The following SNAPC4 variants were observed in gnomAD, a reference collection of about 807,000 sequenced individuals.
The protein encoded by SNAPC4 is small nuclear RNA activating complex polypeptide 4.
SNAPC4 carries 127 observed loss-of-function variants against 151.3 expected under a neutral mutation model. The ratio of observed to expected loss-of-function variants is 0.84; its 90% confidence interval spans 0.73 to 0.97. The LOEUF (loss-of-function observed/expected upper bound fraction) is 0.97, where lower values mean the gene tolerates loss of function less well. Among genes scored for constraint, SNAPC4 ranks in the 50% least tolerant of loss-of-function variants. The pLI is 0.00. For missense variants in SNAPC4, 2,186 were observed against 1,935.0 expected (o/e 1.13, Z -2.43); for synonymous variants, 1,002 against 824.4 (o/e 1.22, Z -3.69).
chr9:136,391,419 G>A (rs1834069824), intron 10 of SNAPC4, among the ~76,000 whole-genome samples: 1 of 152,092 alleles, frequency 6.6e-6, no homozygotes, highest in African/African-American at 2.4e-5. Flanking sequence ...ATACACCTAG[G>A]TCCAAAGAGG....
chr9:136,392,979 G>C (rs893020950), intron 7 of SNAPC4, among the ~76,000 whole-genome samples: 9 of 152,222 alleles, frequency 5.9e-5, no homozygotes, highest in African/African-American at 1.9e-4. Context: ...GGGCTGCAGT[G>C]TCTGCTGACA....
intron 13 of SNAPC4, among the ~76,000 whole-genome samples, chr9:136,385,709 CCAT>C (rs766150351): frequency 7.2e-5 from 11 of 152,082 alleles, no homozygotes; most frequent in South Asian, 2.1e-4. Context: ...GTGCCCACCA[CCAT>C]GTGTGGCTAG....
chr9:136,391,488 A>G (rs576753759), intron 10 of SNAPC4, among the ~76,000 whole-genome samples: 1 of 152,332 alleles, frequency 6.6e-6, no homozygotes, highest in Non-Finnish European at 1.5e-5. Flanking sequence ...GTTCACGCCA[A>G]GCTACTCTCA....
rs147564153 is a variant in SNAPC4 at position 136,388,469 on chromosome 9, G to A, written c.1098C>T (p.Val366=). The A allele has an allele frequency of 1.3e-5, 21 of 1,613,216 alleles. No individual in the cohort carries two copies. The highest frequency in any genetic ancestry group is 1.1e-4 in the East Asian group (5 of 44,894). ...MLTQLVQEMR[V]GSHIPYRRIV... is the part of the protein sequence containing the mutation. ...TTCTGCGGTAGGGGATGTGGCTGCC[G>A]ACGCGCATCTCCTGCACCAGCTGCG... Residue 366 remains valine, a synonymous_variant, in exon 11 of 24, where the codon GTC becomes GTT. Transcript: ENST00000684778.
chr9:136,382,184 G>A, intron 17 of SNAPC4, 69 bp downstream of exon 17: 5 of 1,596,524 alleles, frequency 3.1e-6, no homozygotes, highest in Non-Finnish European at 4.3e-6. Context: ...GATCGACGGG[G>A]AGAGGAATCA....
chr9:136,394,693 G>A (rs570875109), intron 6 of SNAPC4, 107 bp downstream of exon 6: 6 of 1,002,136 alleles, frequency 6.0e-6, no homozygotes, highest in African/African-American at 3.2e-5. Flanking sequence ...GAGCCATGAG[G>A]TCACAACAGA....
In SNAPC4 at chr9:136,378,973, G is replaced by A; in HGVS notation, c.2854C>T (p.Leu952Phe). ...GCCGCGGGGGCCCCAGGCCCAGAGA[G>A]CGGTACATTTAAGACGGTGGGACCC... is the stretch of plus-strand genomic sequence containing the variant. ...APGPTVLNVP[L>F]SGPGAPAAAK... is the part of the protein sequence containing the mutation. Residue 952 changes from leucine (L) to phenylalanine (F), a missense_variant, in exon 22 of 24, where the codon CTC becomes TTC. Physicochemically the swap from Leu to Phe is conservative, Grantham distance 22. Coordinates refer to ENST00000684778, the MANE Select transcript of SNAPC4 (RefSeq NM_003086.4). 1 of 1,608,902 alleles carries A rather than the reference G, an allele frequency of 6.2e-7. No individual in the cohort carries two copies. The highest frequency in any genetic ancestry group is 1.3e-5 in the African/African-American group (1 of 75,052).
chr9:136,378,311 G>A lies in SNAPC4; in HGVS notation c.3516C>T (p.Ala1172=). 2.5e-6 allele frequency: 4 copies of A among 1,604,468 alleles called. No homozygotes were observed. Among genetic ancestry groups the A allele is most frequent in the Non-Finnish European group, 3.4e-6 (4 of 1,176,134 alleles). ...QSPAEADGSV[A]FVPGEAQVAR... ...CCACCTGGGCCTCTCCAGGGACAAA[G>A]GCCACACTGCCATCCGCTTCTGCAG... The change falls in exon 22 of 24, where the codon GCC becomes GCT. Residue 1172 remains alanine, a synonymous_variant. Transcript: ENST00000684778.
In SNAPC4 at chr9:136,377,650, G is replaced by C; in HGVS notation, c.4177C>G (p.Pro1393Ala). 6.2e-7 allele frequency: 1 copy of C among 1,601,596 alleles called. No individual in the cohort carries two copies. The highest frequency in any genetic ancestry group is 8.5e-7 in the Non-Finnish European group (1 of 1,173,040). ...TCACTCTCAGAGCCCACCCTCGAAG[G>C]TACTGAGAGGGTGGTGCGGACGCCT... Reference protein sequence around the residue: ...PQGVRTTLSVPSRVGSESEDE... With the variant: ...PQGVRTTLSVASRVGSESEDE... The change falls in exon 22 of 24, where the codon CCT (proline) becomes GCT (alanine). Residue 1393 changes from proline (P) to alanine (A), a missense_variant. By Grantham distance (27) the Pro-to-Ala change is conservative (BLOSUM62 -1). Coordinates refer to ENST00000684778, the MANE Select transcript of SNAPC4 (RefSeq NM_003086.4).
In SNAPC4 at chr9:136,387,789, A is replaced by T; in HGVS notation, c.1183T>A (p.Leu395Met). The T allele has an allele frequency of 6.2e-7, 1 of 1,613,082 alleles. No individual in the cohort carries two copies. The highest frequency in any genetic ancestry group is 8.5e-7 in the Non-Finnish European group (1 of 1,179,176). ...TAACCCTTCTTCAGACCAGGATCCA[A>T]GCTCTTGGTCCATCGGTAGATCAGC... ...MQLIYRWTKS[L>M]DPGLKKGYWA... The change falls in exon 12 of 24, where the codon TTG (leucine) becomes ATG (methionine). Residue 395 changes from leucine (L) to methionine (M), a missense_variant. Coordinates refer to ENST00000684778, the MANE Select transcript of SNAPC4 (RefSeq NM_003086.4).
chr9:136,393,433 G>A (rs1388195222), intron 7 of SNAPC4, among the ~76,000 whole-genome samples: 2 of 152,330 alleles, frequency 1.3e-5, no homozygotes, highest in South Asian at 2.1e-4. Context: ...AGGTGCTGCT[G>A]GGTCTCTGGG....
chr9:136,395,557 T>TG (rs1224475607), intron 4 of SNAPC4, 46 bp downstream of exon 4: 2 of 1,517,620 alleles, frequency 1.3e-6, no homozygotes, highest in Non-Finnish European at 8.9e-7. Flanking sequence ...TGGGGGGCTC[T>TG]GGGGGTGGGG....
Position 136,388,506 on chromosome 9 carries a change from T to G in SNAPC4, c.1061A>C (p.Asp354Ala). 6.2e-7 allele frequency: 1 copy of G among 1,613,994 alleles called. No individual in the cohort carries two copies. The highest frequency in any genetic ancestry group is 8.5e-7 in the Non-Finnish European group (1 of 1,179,974). ...LKRKEWTEEE[D>A]RMLTQLVQEM... Reference sequence around the variant, plus strand: ...CTGCACCAGCTGCGTGAGCATGCGGTCCTCCTCCTCTGTCCACTCCTTGCG... The same window carrying G: ...CTGCACCAGCTGCGTGAGCATGCGGGCCTCCTCCTCTGTCCACTCCTTGCG... Residue 354 changes from aspartate to alanine, a missense_variant, in exon 11 of 24, where the codon GAC becomes GCC. By Grantham distance (126) the Asp-to-Ala change is moderately radical (BLOSUM62 -2). Transcript: ENST00000684778.
At chr9:136,386,055 C>T (rs974622203) in intron 13 of SNAPC4, among the ~76,000 whole-genome samples, 4 of 151,908 alleles carry the variant, frequency 2.6e-5, no homozygotes, top group Admixed American at 1.3e-4. Context: ...ATGTTTAACT[C>T]GCTGACGAAC....
chr9:136,377,458 C>A (rs1358248001), intron 22 of SNAPC4, 85 bp downstream of exon 22: 3 of 1,449,588 alleles, frequency 2.1e-6, no homozygotes, highest in Non-Finnish European at 2.7e-6. Flanking sequence ...CTTCCACCAG[C>A]CCCCACCCCA....
intron 11 of SNAPC4, among the ~76,000 whole-genome samples, chr9:136,388,066 G>A (rs542611016): frequency 6.6e-6 from 1 of 152,230 alleles, no homozygotes; most frequent in East Asian, 1.9e-4. Flanking sequence ...TCAGGAGTTC[G>A]AGACCAGCCT....
chr9:136,384,133 G>A (rs1833809963), intron 14 of SNAPC4, 101 bp from the exon 15 acceptor site: 2 of 935,828 alleles, frequency 2.1e-6, no homozygotes, highest in South Asian at 3.2e-5. Flanking sequence ...CATCAGAGTG[G>A]AGCCTCCTGT....
Position 136,378,525 on chromosome 9 carries a change from C to T in SNAPC4, c.3302G>A (p.Gly1101Glu), listed in dbSNP as rs1479426009. ...PAVVSLPRPA[G>E]TPGPAGLLAT... is the part of the protein sequence containing the mutation. The stretch of plus-strand genomic sequence containing the variant: ...CAGCAGCCCTGCGGGGCCAGGGGTC[C>T]CTGCTGGCCTGGGAAGGCTCACCAC... The change falls in exon 22 of 24, where the codon GGG (glycine) becomes GAG (glutamate). Residue 1101 changes from glycine to glutamate, a missense_variant. Physicochemically the swap from Gly to Glu is moderately conservative, Grantham distance 98. Transcript: ENST00000684778. 1 of 1,591,046 alleles carries T rather than the reference C, an allele frequency of 6.3e-7. No homozygotes were observed. The highest frequency in any genetic ancestry group is 8.5e-7 in the Non-Finnish European group (1 of 1,174,584).
chr9:136,390,781 C>T (rs991963650), intron 10 of SNAPC4, among the ~76,000 whole-genome samples: 2 of 151,410 alleles, frequency 1.3e-5, no homozygotes, highest in South Asian at 4.2e-4. Flanking sequence ...GTTATGTGTA[C>T]CAAACTATGT....
Sources: gnomAD v4.1 joint callset for allele counts (sites outside exome capture counted in the v4.1 genomes callset) on GRCh38, gnomAD v4.1.1 for gene constraint, MANE v1.5 for transcripts, NCBI Gene and HGNC (gene_info 2026-07-23, HGNC 2026-07-21) for gene names.